Variants in TRAK1 observed in about 807,000 individuals in gnomAD.
TRAK1 encodes the protein trafficking kinesin-binding protein 1.
TRAK1 carries 33 observed loss-of-function variants against 92.1 expected under a neutral mutation model. The observed-to-expected ratio is 0.36, with a 90% CI of 0.27 to 0.48. The LOEUF (loss-of-function observed/expected upper bound fraction) is 0.48, where lower values mean the gene tolerates loss of function less well. TRAK1 is among the 20% of genes least tolerant of loss of function. The pLI, the probability that TRAK1 is intolerant of heterozygous loss-of-function variation, is 0.99. For synonymous variants in TRAK1, 521 were observed against 517.3 expected (o/e 1.01, Z -0.10); for missense variants, 1,123 against 1,257.9 (o/e 0.89, Z 1.62).
chr3:42,128,328 G>A (rs1002078227), intron 2 of TRAK1, among the ~76,000 whole-genome samples: 1 of 152,196 alleles, frequency 6.6e-6, no homozygotes, highest in African/African-American at 2.4e-5. Context: ...TGATAAAACT[G>A]GAAGAACCAA....
chr3:42,189,304 A>C (rs1024207756), intron 6 of TRAK1, among the ~76,000 whole-genome samples, 180 bp downstream of exon 6: 1 of 152,088 alleles, frequency 6.6e-6, no homozygotes, highest in East Asian at 1.9e-4. Flanking sequence ...AGCCCAACAC[A>C]TGCCTCCCTG....
chr3:42,173,619 G>A (rs1702832396), intron 2 of TRAK1, among the ~76,000 whole-genome samples: 1 of 152,134 alleles, frequency 6.6e-6, no homozygotes, highest in Non-Finnish European at 1.5e-5. Flanking sequence ...TCGATGGTTT[G>A]TGCCTTGCTC....
chr3:42,155,982 C>T (rs1700491650), intron 2 of TRAK1, among the ~76,000 whole-genome samples: 1 of 152,176 alleles, frequency 6.6e-6, no homozygotes, highest in Admixed American at 6.5e-5. Context: ...TCTTCCTGTC[C>T]AGTGTTCCTG....
intron 2 of TRAK1, among the ~76,000 whole-genome samples, chr3:42,157,313 G>A (rs1212804647): frequency 6.6e-6 from 1 of 151,326 alleles, no homozygotes; most frequent in Non-Finnish European, 1.5e-5. Context: ...AAAAAAATTA[G>A]CGAGGCATGG....
At chr3:42,060,466 A>G (rs1224893150) in intron 1 of TRAK1, among the ~76,000 whole-genome samples, 1 of 151,940 alleles carries the variant, frequency 6.6e-6, no homozygotes. Context: ...AAACTGTGGG[A>G]CAGGAGAGTA....
intron 2 of TRAK1, among the ~76,000 whole-genome samples, chr3:42,143,992 T>C (rs1699018997): frequency 6.6e-6 from 1 of 152,202 alleles, no homozygotes; most frequent in Non-Finnish European, 1.5e-5. Flanking sequence ...TACATTGTTT[T>C]GTTTCTTTCC....
intron 2 of TRAK1, among the ~76,000 whole-genome samples, chr3:42,142,485 C>A (rs1375463681): frequency 2.0e-5 from 3 of 152,196 alleles, no homozygotes; most frequent in African/African-American, 7.2e-5. Flanking sequence ...ACCTTACAGC[C>A]CTGGGGCTGA....
At chr3:42,110,307 A>ATG (rs1034893703) in intron 1 of TRAK1, among the ~76,000 whole-genome samples, 2 of 150,702 alleles carry the variant, frequency 1.3e-5, no homozygotes, top group Admixed American at 1.3e-4. Flanking sequence ...TGGGGTGTGT[A>ATG]TGTGTGTGTG....
intron 2 of TRAK1, among the ~76,000 whole-genome samples, chr3:42,169,889 G>A (rs1251497938): frequency 6.6e-6 from 1 of 152,234 alleles, no homozygotes; most frequent in African/African-American, 2.4e-5. Flanking sequence ...CTGACACTTG[G>A]ATAGGGTGTC....
At chr3:42,219,084 A>G (rs919772674) in intron 14 of TRAK1, 2 of 985,300 alleles carry the variant, frequency 2.0e-6, no homozygotes, top group African/African-American at 3.5e-5. Flanking sequence ...CTCTGAGCAG[A>G]GCTTTGGTAG....
At chr3:42,199,153 A>C in intron 10 of TRAK1, 24 bp from the exon 11 acceptor site, 1 of 1,612,824 alleles carries the variant, frequency 6.2e-7, no homozygotes, top group South Asian at 1.1e-5. Flanking sequence ...CTCACTTGAC[A>C]TTTGTCTTTC....
chr3:42,105,448 GC>G, intron 1 of TRAK1, among the ~76,000 whole-genome samples: 1 of 152,244 alleles, frequency 6.6e-6, no homozygotes, highest in South Asian at 2.1e-4. Context: ...ATGAAATGAA[GC>G]AAGAAGAGAA....
chr3:42,133,640 A>G (rs529634638), intron 2 of TRAK1, among the ~76,000 whole-genome samples: 18 of 152,286 alleles, frequency 1.2e-4, no homozygotes, highest in Admixed American at 4.6e-4. Flanking sequence ...AGCTTTCATC[A>G]ATCTTTATTT....
At chr3:42,091,139 A>AT, upstream of TRAK1, 2 of 262,888 alleles carry the variant, frequency 7.6e-6, no homozygotes, top group Non-Finnish European at 1.4e-5. Flanking sequence ...TTCCACTTTA[A>AT]TTTTTAGGCA....
chr3:42,083,967 A>T (rs1188837043), upstream of TRAK1, among the ~76,000 whole-genome samples: 1 of 152,060 alleles, frequency 6.6e-6, no homozygotes, highest in Non-Finnish European at 1.5e-5. Context: ...ATACCTTTTT[A>T]ATGTTTGTCA....
intron 6 of TRAK1, 93 bp downstream of exon 6, chr3:42,189,217 C>G (rs890648273): frequency 2.2e-6 from 2 of 899,036 alleles, no homozygotes; most frequent in African/African-American, 3.3e-5. Flanking sequence ...GTGCCCTCCT[C>G]AAAGCTGGCA....
At chr3:42,097,104 T>C (rs1226974188) in intron 1 of TRAK1, among the ~76,000 whole-genome samples, 2 of 152,238 alleles carry the variant, frequency 1.3e-5, no homozygotes, top group Non-Finnish European at 2.9e-5. Context: ...ATTGTTGCCT[T>C]TTCTCCTCAG....
upstream of TRAK1, among the ~76,000 whole-genome samples, chr3:42,090,010 T>A (rs1159463050): frequency 6.6e-6 from 1 of 152,190 alleles, no homozygotes; most frequent in African/African-American, 2.4e-5. Flanking sequence ...AACTCCTGAG[T>A]GGCAGGAGTT....
At chr3:42,123,715 T>C (rs2149132341) in intron 1 of TRAK1, among the ~76,000 whole-genome samples, 1 of 152,370 alleles carries the variant, frequency 6.6e-6, no homozygotes, top group East Asian at 1.9e-4. Context: ...ATTTTTTTTT[T>C]TTCTCTCCTC....
Sources: gnomAD v4.1 joint callset for allele counts (sites outside exome capture counted in the v4.1 genomes callset) on GRCh38, gnomAD v4.1.1 for gene constraint, MANE v1.5 for transcripts, NCBI Gene and HGNC (gene_info 2026-07-23, HGNC 2026-07-21) for gene names.